EXOSC10: variants seen among roughly 807,000 people sequenced by gnomAD.
The protein encoded by EXOSC10 is exosome complex component 10.
In EXOSC10, 94 loss-of-function variants were observed where a neutral mutation model predicts 126.6. The observed-to-expected ratio is 0.74, with a 90% confidence interval of 0.63 to 0.88. The LOEUF (loss-of-function observed/expected upper bound fraction) is 0.88, where lower values mean the gene tolerates loss of function less well. EXOSC10 is among the 40% of genes least tolerant of loss of function. The probability of loss-of-function intolerance (pLI) is 0.00; values close to 1 mark genes in which losing one functional copy is unlikely to be tolerated. For synonymous variants in EXOSC10, 395 were observed against 400.8 expected (o/e 0.99, Z 0.17); for missense variants, 1,041 against 1,100.5 (o/e 0.95, Z 0.77).
chr1:11,083,315 A>G (rs1330017277), intron 9 of EXOSC10, among the ~76,000 whole-genome samples: 2 of 152,180 alleles, frequency 1.3e-5, no homozygotes, highest in Non-Finnish European at 2.9e-5. Context: ...CTGTAATCCC[A>G]GCACTTTGGG....
In EXOSC10 at chr1:11,073,998, G is replaced by A. The variant is rs1318027547; in HGVS notation, c.2093C>T (p.Ser698Leu). ...AGAGACGGGAGCACGGTGTCCCAGT[G>A]AGGGCAGAAACTGGAGGAAGGAAAT... is the stretch of plus-strand genomic sequence containing the variant. ...FENPFRMFLPSLGHRAPVSQA... is the reference protein window; with the variant it reads ...FENPFRMFLPLLGHRAPVSQA... Residue 698 changes from serine to leucine, a missense_variant, in exon 19 of 25, where the codon TCA becomes TTA. By Grantham distance (145) the Ser-to-Leu change is moderately radical (BLOSUM62 -2). Coordinates refer to ENST00000376936, the MANE Select transcript of EXOSC10 (RefSeq NM_001001998.3). 4 of 1,613,912 alleles carry A rather than the reference G, an allele frequency of 2.5e-6. No homozygotes were observed. The highest frequency in any genetic ancestry group is 2.5e-6 in the Non-Finnish European group (3 of 1,179,940).
In EXOSC10 at chr1:11,082,802, G is replaced by GT; in HGVS notation, c.1165dup (p.Thr389AsnfsTer9). On this transcript the variant is annotated frameshift_variant, in exon 10 of 25. Coordinates refer to ENST00000376936, the MANE Select transcript of EXOSC10 (RefSeq NM_001001998.3). LOFTEE classifies it high-confidence loss of function. ...GTTAAGAAGGCGTGCTGCCTGATGA[G>GT]TATCAAACATGTTTACTACATACAA... 2 of 1,614,178 alleles carry GT rather than the reference G, an allele frequency of 1.2e-6. No homozygotes were observed. The highest frequency in any genetic ancestry group is 1.7e-6 in the Non-Finnish European group (2 of 1,180,038).
At chr1:11,089,578 G>A (rs966935618) in intron 6 of EXOSC10, among the ~76,000 whole-genome samples, 2 of 149,132 alleles carry the variant, frequency 1.3e-5, no homozygotes, top group African/African-American at 2.5e-5. Flanking sequence ...CTGAGATCGC[G>A]CCATTGTACT....
chr1:11,088,711 G>A (rs1466069766), intron 6 of EXOSC10, among the ~76,000 whole-genome samples: 1 of 152,224 alleles, frequency 6.6e-6, no homozygotes, highest in Non-Finnish European at 1.5e-5. Flanking sequence ...TGTTTCTCCA[G>A]CACTTAGCTT....
Position 11,095,947 on chromosome 1 carries a change from A to G in EXOSC10, c.249-66T>C, listed in dbSNP as rs1268682996. 3.2e-6 allele frequency: 5 copies of G among 1,559,150 alleles called. No homozygotes were observed. In the African/African-American group the frequency reaches 6.8e-5, roughly 21 times the overall value. On this transcript the variant is annotated intron_variant, in intron 2 of 24. Coordinates refer to ENST00000376936, the MANE Select transcript of EXOSC10 (RefSeq NM_001001998.3). ...TTCACTTGTTTACATTCTGTGAGAG[A>G]GAATGTTCAAATGATGTGGCTCAGA...
chr1:11,071,245 T>C (rs1240780031), intron 20 of EXOSC10: 4 of 439,034 alleles, frequency 9.1e-6, no homozygotes, highest in Non-Finnish European at 1.2e-5. Flanking sequence ...CCTGTGGACC[T>C]GAGGGCGTTT....
At position 11,099,786 on chromosome 1, in the gene EXOSC10, T is replaced by C; in HGVS notation, c.46A>G (p.Ser16Gly). The C allele has an allele frequency of 6.2e-7, 1 of 1,612,096 alleles. No individual in the cohort carries two copies. Among genetic ancestry groups the C allele is most frequent in the Non-Finnish European group, 8.5e-7 (1 of 1,179,066 alleles). The change falls in exon 1 of 25, where the codon AGC becomes GGC. Residue 16 changes from serine (S) to glycine (G), a missense_variant. Physicochemically the swap from Ser to Gly is moderately conservative, Grantham distance 56. Around this residue, in one of 3 missense-constraint regions of EXOSC10, gnomAD observed 645 missense variants for 656.3 expected, o/e 0.98. Coordinates refer to ENST00000376936, the MANE Select transcript of EXOSC10 (RefSeq NM_001001998.3). ...ATCTCTCCGTCGGATTTGGTTGCGC[T>C]GGTCGCCGACAGGACCCTGGGCTCC... The part of the protein sequence containing the change: ...TREPRVLSAT[S>G]ATKSDGEMVL...
At chr1:11,074,559 C>T (rs1014422002) in intron 17 of EXOSC10, among the ~76,000 whole-genome samples, 8 of 151,688 alleles carry the variant, frequency 5.3e-5, no homozygotes, top group African/African-American at 1.5e-4. Flanking sequence ...ATTACAGGCA[C>T]GTGCCACCAT....
At chr1:11,089,800 T>C (rs1325988958) in intron 6 of EXOSC10, among the ~76,000 whole-genome samples, 1 of 150,864 alleles carries the variant, frequency 6.6e-6, no homozygotes. Context: ...AAAAATTAGC[T>C]GTGCATGATG....
chr1:11,070,586 A>G (rs910660), intron 21 of EXOSC10: 143,135 of 223,442 alleles, frequency 0.64, 50,943 homozygotes, highest in East Asian at 0.81. Flanking sequence ...AGAATGCAAC[A>G]TTTTTGTAGG....
rs752855218 is a variant in EXOSC10, at chr1:11,073,978, C to T, written c.2113G>A (p.Val705Ile). ...GGATCGAACTTCGCTGCCTGAGAGACGGGAGCACGGTGTCCCAGTGAGGGC... is the reference window on the plus strand; with the variant it reads ...GGATCGAACTTCGCTGCCTGAGAGATGGGAGCACGGTGTCCCAGTGAGGGC... Reference protein sequence around the residue: ...FLPSLGHRAPVSQAAKFDPST... With the variant: ...FLPSLGHRAPISQAAKFDPST... Residue 705 changes from valine (V) to isoleucine (I), a missense_variant, in exon 19 of 25, where the codon GTC (valine) becomes ATC (isoleucine). Coordinates refer to ENST00000376936, the MANE Select transcript of EXOSC10 (RefSeq NM_001001998.3). 21 of 1,612,986 alleles carry T rather than the reference C, an allele frequency of 1.3e-5. No individual in the cohort carries two copies. The highest frequency in any genetic ancestry group is 6.6e-5 in the South Asian group (6 of 91,050).
chr1:11,070,874 G>A (rs771033289), intron 21 of EXOSC10, 26 bp downstream of exon 21: 1 of 1,606,994 alleles, frequency 6.2e-7, no homozygotes, highest in South Asian at 1.1e-5. Context: ...TTTTTCAAAG[G>A]AAAAAGGAGA....
chr1:11,089,621 CAAAA>C (rs1228653546), intron 6 of EXOSC10, among the ~76,000 whole-genome samples: 1 of 98,318 alleles, frequency 1.0e-5, no homozygotes, highest in Admixed American at 1.1e-4. Context: ...AACTCCGTCC[CAAAA>C]AAAAAAAAAA....
intron 19 of EXOSC10, chr1:11,072,934 A>C (rs1196554043): frequency 6.6e-6 from 1 of 152,186 alleles, no homozygotes; most frequent in Non-Finnish European, 1.5e-5. Flanking sequence ...TCTTACTCAT[A>C]ATGCTGGTAA....
intron 3 of EXOSC10, 174 bp downstream of exon 3, chr1:11,095,584 G>A (rs989227029): frequency 5.0e-5 from 24 of 476,978 alleles, no homozygotes; most frequent in Non-Finnish European, 8.8e-5. Context: ...TGTGGTGGCG[G>A]GCGCCTGTAG....
intron 17 of EXOSC10, among the ~76,000 whole-genome samples, chr1:11,075,027 T>TTATG: frequency 6.6e-6 from 1 of 152,132 alleles, no homozygotes; most frequent in Non-Finnish European, 1.5e-5. Flanking sequence ...GAAATTTATT[T>TTATG]TATGTATGTA....
At chr1:11,080,429 A>G in intron 13 of EXOSC10, 70 bp downstream of exon 13, 3 of 1,590,330 alleles carry the variant, frequency 1.9e-6, no homozygotes, top group Non-Finnish European at 2.6e-6. Flanking sequence ...AGCAACCAGA[A>G]AAGCTTGATT....
chr1:11,098,177 T>C (rs1041639352), intron 1 of EXOSC10, 21 bp from the exon 2 acceptor site: 7 of 1,589,682 alleles, frequency 4.4e-6, no homozygotes, highest in Admixed American at 1.9e-5. Flanking sequence ...CAAGAAAAGA[T>C]GGCATGTTTA....
chr1:11,080,629 C>T (rs760718297), intron 12 of EXOSC10, 80 bp from the exon 13 acceptor site: 80 of 1,598,292 alleles, frequency 5.0e-5, no homozygotes, highest in Non-Finnish European at 6.4e-5. Flanking sequence ...TACATTCAGC[C>T]AGTAAGTTCC....
Sources: allele counts gnomAD v4.1 joint callset (sites outside exome capture counted in the v4.1 genomes callset), GRCh38; gene constraint gnomAD v4.1.1; regional missense constraint gnomAD v4.1.1; transcripts MANE v1.5; gene names NCBI Gene and HGNC (gene_info 2026-07-23, HGNC 2026-07-21).